Variants in ADAMTSL3 observed in about 807,000 individuals in gnomAD.
The protein encoded by ADAMTSL3 is ADAMTS-like protein 3.
In ADAMTSL3, 128 loss-of-function variants were observed where a neutral mutation model predicts 201.7. That is an observed-to-expected ratio of 0.63 (90% CI 0.55 to 0.73). ADAMTSL3 has a LOEUF of 0.73. Ranked by LOEUF, ADAMTSL3 falls within the 30% of genes least tolerant of loss-of-function variation. The probability of loss-of-function intolerance (pLI) is 0.00; values close to 1 mark genes in which losing one functional copy is unlikely to be tolerated. For synonymous variants in ADAMTSL3, 738 were observed against 748.4 expected, an observed-to-expected ratio of 0.99 and a Z score of 0.23; for missense variants, 1,990 against 2,119.6, an observed-to-expected ratio of 0.94 and a Z score of 1.20.
chr15:84,006,735 G>A (rs2067901845), intron 23 of ADAMTSL3, among the ~76,000 whole-genome samples: 1 of 152,210 alleles, frequency 6.6e-6, no homozygotes. Flanking sequence ...GAGCAAATGT[G>A]TTATTTTGAA....
chr15:83,869,988 T>G (rs1226726956), intron 8 of ADAMTSL3, among the ~76,000 whole-genome samples: 1 of 152,040 alleles, frequency 6.6e-6, no homozygotes, highest in African/African-American at 2.4e-5. Flanking sequence ...GTGGTGACAC[T>G]TAGAAAATAA....
intron 5 of ADAMTSL3, among the ~76,000 whole-genome samples, chr15:83,813,933 C>G (rs539758257): frequency 6.6e-6 from 1 of 152,092 alleles, no homozygotes; most frequent in Admixed American, 6.6e-5. Context: ...TGTTTTTATA[C>G]CAGGGTTTAT....
chr15:83,655,654 A>G (rs145312103), intron 1 of ADAMTSL3, 75 bp from the exon 2 acceptor site: 1 of 1,079,662 alleles, frequency 9.3e-7, no homozygotes, highest in East Asian at 2.5e-5. Flanking sequence ...CCTCCATCTA[A>G]TGGGTCGCTT....
intron 25 of ADAMTSL3, among the ~76,000 whole-genome samples, chr15:84,018,899 C>G (rs139721453): frequency 6.6e-6 from 1 of 152,246 alleles, no homozygotes; most frequent in Admixed American, 6.5e-5. Flanking sequence ...TCAAATTGGA[C>G]TGACCGCATC....
intron 7 of ADAMTSL3, among the ~76,000 whole-genome samples, chr15:83,848,013 T>TA (rs1243832672): frequency 2.6e-5 from 4 of 152,012 alleles, no homozygotes; most frequent in East Asian, 1.9e-4. Context: ...TCTTATTTTT[T>TA]AAAAAAACTA....
intron 3 of ADAMTSL3, among the ~76,000 whole-genome samples, chr15:83,738,981 A>G (rs2062411419): frequency 6.6e-6 from 1 of 151,904 alleles, no homozygotes; most frequent in Admixed American, 6.5e-5. Context: ...TAAAGAAAAT[A>G]TGATCATTTC....
rs140169454 is a variant in ADAMTSL3 at position 83,896,854 on chromosome 15, A to G, written c.1468-1004A>G. Among the ~76,000 whole-genome samples the G allele has an allele frequency of 8.5e-3, 1,302 of 152,302 alleles. 13 individuals carry two copies. The highest frequency in any genetic ancestry group is 0.029 in the African/African-American group (1,211 of 41,568). The stretch of plus-strand genomic sequence containing the variant: ...AGTTCCACATGTCTGGGGAGGCCTC[A>G]GGAAACTTACAGTGATGGTGGAGGG... On this transcript the variant is annotated intron_variant, in intron 13 of 29. Transcript: ENST00000286744.
At chr15:83,753,369 T>C (rs915403462) in intron 3 of ADAMTSL3, among the ~76,000 whole-genome samples, 1 of 152,182 alleles carries the variant, frequency 6.6e-6, no homozygotes, top group Admixed American at 6.6e-5. Context: ...CTGCAGGTGG[T>C]CCAGAGCATG....
At chr15:83,913,014 A>G in intron 15 of ADAMTSL3, 78 bp from the exon 16 acceptor site, 2 of 1,476,296 alleles carry the variant, frequency 1.4e-6, no homozygotes, top group Non-Finnish European at 1.8e-6. Flanking sequence ...CCTTCGTTGA[A>G]TGTGTCACTC....
chr15:83,739,388 A>G (rs2062418982), intron 3 of ADAMTSL3, among the ~76,000 whole-genome samples: 1 of 150,586 alleles, frequency 6.6e-6, no homozygotes, highest in South Asian at 2.2e-4. Flanking sequence ...GCCACAATGG[A>G]AAATTCCATA....
chr15:83,819,713 T>G, intron 5 of ADAMTSL3, 98 bp from the exon 6 acceptor site: 2 of 912,854 alleles, frequency 2.2e-6, no homozygotes, highest in Non-Finnish European at 3.5e-6. Flanking sequence ...GAGAGGCAAG[T>G]GAGGTGTGGT....
chr15:83,921,290 G>A (rs551949035), intron 16 of ADAMTSL3, among the ~76,000 whole-genome samples: 40 of 152,266 alleles, frequency 2.6e-4, no homozygotes, highest in African/African-American at 9.4e-4. Flanking sequence ...TAGACTAATA[G>A]AGGATCCGTT....
intron 10 of ADAMTSL3, 86 bp downstream of exon 10, chr15:83,885,298 T>G: frequency 9.3e-7 from 1 of 1,070,074 alleles, no homozygotes; most frequent in Non-Finnish European, 1.4e-6. Context: ...ATTTTAAAAT[T>G]GGTGTGGTGA....
chr15:83,714,761 C>CTCTT (rs767607321), intron 3 of ADAMTSL3, among the ~76,000 whole-genome samples: 3,197 of 41,438 alleles, frequency 0.077, 314 homozygotes, highest in Middle Eastern at 0.13. Flanking sequence ...CTTCCCTTTT[C>CTCTT]TCTTTCTTTC....
rs186587668 is a variant in ADAMTSL3, at chr15:83,898,559, G to T, written c.1615+554G>T. On this transcript the variant is annotated intron_variant, in intron 14 of 29. Transcript: ENST00000286744. Reference sequence around the variant, plus strand: ...TTCCCGTTCCCAGTGGAGATCTATGGATGCATTTATAATCTCTCCAGTAGT... The same window carrying T: ...TTCCCGTTCCCAGTGGAGATCTATGTATGCATTTATAATCTCTCCAGTAGT... Among the ~76,000 whole-genome samples the T allele has an allele frequency of 1.8e-3, 270 of 152,120 alleles. 2 individuals are homozygous for T. Among genetic ancestry groups the T allele is most frequent in the Non-Finnish European group, 1.9e-3 (129 of 67,966 alleles).
intron 10 of ADAMTSL3, among the ~76,000 whole-genome samples, chr15:83,885,644 C>T (rs1361815199): frequency 6.6e-6 from 1 of 151,994 alleles, no homozygotes; most frequent in African/African-American, 2.4e-5. Context: ...TTTCTCTCCT[C>T]AGGTGCAAGA....
chr15:83,798,733 G>T (rs2063470174), intron 4 of ADAMTSL3, among the ~76,000 whole-genome samples: 2 of 151,100 alleles, frequency 1.3e-5, no homozygotes, highest in African/African-American at 2.4e-5. Flanking sequence ...CTTGAAACTG[G>T]GAGGCAGAGG....
intron 2 of ADAMTSL3, among the ~76,000 whole-genome samples, chr15:83,697,899 C>A (rs1440833639): frequency 1.3e-5 from 2 of 152,094 alleles, no homozygotes; most frequent in Non-Finnish European, 2.9e-5. Context: ...GTTCCCCTGG[C>A]AACCAGCCCC....
In ADAMTSL3 at chr15:83,727,138, G is replaced by A. The variant is rs897465006; in HGVS notation, c.189+22630G>A. On this transcript the variant is annotated intron_variant, in intron 3 of 29. Transcript: ENST00000286744. ...AATCTTGGTAGGTTGTATGTGTCTA[G>A]GAATTTATCCATTTTTTTTTCTAGA... Among the ~76,000 whole-genome samples, 13 of 138,666 alleles carry A rather than the reference G, an allele frequency of 9.4e-5. No homozygotes were observed. The South Asian group carries it at 9.8e-4, about 10-fold the overall frequency. The allele number at this position is 138,666 out of a possible 152,430, so 91.0% of individuals were successfully genotyped here. A position where few individuals can be genotyped will look rare whatever the true frequency, so the allele number is the denominator to read the frequency against.
Sources: gnomAD v4.1 joint callset for allele counts (sites outside exome capture counted in the v4.1 genomes callset) on GRCh38, gnomAD v4.1.1 for gene constraint, MANE v1.5 for transcripts, NCBI Gene and HGNC (gene_info 2026-07-23, HGNC 2026-07-21) for gene names.